TMC2: variants seen among roughly 807,000 people sequenced by gnomAD.
The protein encoded by TMC2 is transmembrane channel like 2, also known as transmembrane channel-like protein 2.
A neutral mutation model predicts 105.9 loss-of-function variants in TMC2; 102 were observed. That is an observed-to-expected ratio of 0.96 (90% CI 0.82 to 1.14). The LOEUF (loss-of-function observed/expected upper bound fraction) is 1.14. TMC2 is among the 50% of genes most tolerant of loss of function. The pLI is 0.00. For missense variants in TMC2, 1,093 were observed against 1,134.3 expected, an observed-to-expected ratio of 0.96 and a Z score of 0.52; for synonymous variants, 402 against 422.8, an observed-to-expected ratio of 0.95 and a Z score of 0.60.
intron 2 of TMC2, among the ~76,000 whole-genome samples, chr20:2,539,200 G>A (rs1445324768): frequency 6.6e-6 from 1 of 152,194 alleles, no homozygotes; most frequent in Non-Finnish European, 1.5e-5. Flanking sequence ...CAAGACAGCT[G>A]CCTTTCCAGT....
chr20:2,564,107 G>A (rs2086046602), intron 4 of TMC2, among the ~76,000 whole-genome samples: 1 of 151,096 alleles, frequency 6.6e-6, no homozygotes, highest in South Asian at 2.1e-4. Context: ...CGACAGTGTG[G>A]AAGCTAGACT....
At chr20:2,579,879 A>G (rs2086175903) in intron 6 of TMC2, 71 bp from the exon 7 acceptor site, 1 of 909,252 alleles carries the variant, frequency 1.1e-6, no homozygotes, top group African/African-American at 1.7e-5. Flanking sequence ...TCCACCACAC[A>G]CATAAAGTGC....
intron 7 of TMC2, among the ~76,000 whole-genome samples, chr20:2,581,157 A>ATGCTTAAC (rs143532555): frequency 0.036 from 5,531 of 152,194 alleles, 309 homozygotes; most frequent in African/African-American, 0.12. Context: ...CTGCAGTTAC[A>ATGCTTAAC]TTTTCTGCAC....
intron 17 of TMC2, 92 bp from the exon 18 acceptor site, chr20:2,635,834 A>G (rs1600144047): frequency 2.0e-6 from 2 of 1,013,496 alleles, no homozygotes; most frequent in East Asian, 4.8e-5. Context: ...TAACTATTCC[A>G]GGAATCCTGC....
At chr20:2,598,197 G>GA (rs11472755) in intron 10 of TMC2, among the ~76,000 whole-genome samples, 3,738 of 132,346 alleles carry the variant, frequency 0.028, 139 homozygotes, top group African/African-American at 0.085. Flanking sequence ...CTAGTGAAAT[G>GA]AAAAAAAAAA....
intron 2 of TMC2, among the ~76,000 whole-genome samples, chr20:2,543,189 A>T (rs2085902844): frequency 6.6e-6 from 1 of 152,018 alleles, no homozygotes; most frequent in East Asian, 1.9e-4. Flanking sequence ...GTGAGCCAAG[A>T]TCTTACCACT....
At chr20:2,615,568 C>A (rs766834066) in intron 14 of TMC2, among the ~76,000 whole-genome samples, 1 of 152,172 alleles carries the variant, frequency 6.6e-6, no homozygotes, top group Admixed American at 6.5e-5. Flanking sequence ...GGACAAATCA[C>A]GAAAACTGCA....
chr20:2,567,340 T>C (rs2086071344), intron 4 of TMC2, among the ~76,000 whole-genome samples: 1 of 152,180 alleles, frequency 6.6e-6, no homozygotes, highest in Non-Finnish European at 1.5e-5. Context: ...CAACATTACC[T>C]ACAACTACCA....
At position 2,641,257 on chromosome 20, in the gene TMC2, C is replaced by G; in HGVS notation, c.2627C>G (p.Pro876Arg). The G allele has an allele frequency of 6.2e-7, 1 of 1,614,168 alleles. No individual in the cohort carries two copies. The highest frequency in any genetic ancestry group is 8.5e-7 in the Non-Finnish European group (1 of 1,180,020). Residue 876 changes from proline to arginine, a missense_variant, in exon 20 of 20, where the codon CCC becomes CGC. Transcript: ENST00000358864. ...TCTGGACACCTTCCTATATCTCGGCCCCCTGGAATCGGACCAGATTCTGGC... is the reference window on the plus strand; with the variant it reads ...TCTGGACACCTTCCTATATCTCGGCGCCCTGGAATCGGACCAGATTCTGGC... ...PASGHLPISR[P>R]PGIGPDSGHA...
At chr20:2,583,360 T>C (rs1001787090) in intron 7 of TMC2, among the ~76,000 whole-genome samples, 1 of 152,214 alleles carries the variant, frequency 6.6e-6, no homozygotes, top group East Asian at 1.9e-4. Context: ...GTCTGACAGA[T>C]TGGAGATGCC....
At chr20:2,602,428 C>T (rs1405488751) in intron 11 of TMC2, 127 bp downstream of exon 11, 6 of 660,258 alleles carry the variant, frequency 9.1e-6, no homozygotes, top group Non-Finnish European at 1.4e-5. Context: ...AAATTACATC[C>T]CCTTCCAGTC....
At chr20:2,554,421 G>A (rs1463947985) in intron 2 of TMC2, among the ~76,000 whole-genome samples, 2 of 151,844 alleles carry the variant, frequency 1.3e-5, no homozygotes, top group Admixed American at 6.6e-5. Flanking sequence ...TCTCTCCATC[G>A]TTTTCTTGTG....
At chr20:2,614,312 AAAG>A (rs1342951497) in intron 14 of TMC2, among the ~76,000 whole-genome samples, 1 of 152,238 alleles carries the variant, frequency 6.6e-6, no homozygotes, top group Non-Finnish European at 1.5e-5. Flanking sequence ...AAATATTTAA[AAAG>A]AAGAATAAGG....
At chr20:2,633,668 C>A (rs1295776607) in intron 17 of TMC2, among the ~76,000 whole-genome samples, 1 of 152,146 alleles carries the variant, frequency 6.6e-6, no homozygotes, top group African/African-American at 2.4e-5. Flanking sequence ...TTTTAAGGTG[C>A]TCCAAATCCA....
In TMC2 at chr20:2,560,270, A is replaced by AC. The variant is rs1471537255; in HGVS notation, c.401+1496_401+1497insC. On this transcript the variant is annotated intron_variant, in intron 3 of 19. Coordinates refer to ENST00000358864, the MANE Select transcript of TMC2 (RefSeq NM_080751.3). ...TTGGGTGTGCATGAAGTATGGCAAA[A>AC]AAAAAAAAAATATCTCTGTGTTCTA... 8.0e-4 allele frequency among the ~76,000 whole-genome samples: 122 copies of AC among 151,986 alleles called. 1 individual carries two copies. The highest frequency in any genetic ancestry group is 1.4e-3 in the Non-Finnish European group (96 of 67,958).
intron 17 of TMC2, among the ~76,000 whole-genome samples, chr20:2,632,826 T>G (rs973753576): frequency 5.3e-5 from 8 of 152,106 alleles, no homozygotes; most frequent in Non-Finnish European, 8.8e-5. Flanking sequence ...CCTGACTTTG[T>G]GATTCACCCG....
chr20:2,560,658 A>T (rs2086019681), intron 3 of TMC2, among the ~76,000 whole-genome samples: 1 of 152,102 alleles, frequency 6.6e-6, no homozygotes, highest in Admixed American at 6.6e-5. Context: ...TAACATGGTG[A>T]AACCCCATTT....
chr20:2,638,592 G>C (rs1170560091), intron 19 of TMC2, among the ~76,000 whole-genome samples: 1 of 152,102 alleles, frequency 6.6e-6, no homozygotes, highest in Non-Finnish European at 1.5e-5. Context: ...CTCCATGTGT[G>C]TTATTGCCCC....
Position 2,641,359 on chromosome 20 carries a change from G to A in TMC2, c.*8G>A, listed in dbSNP as rs1243611557. The A allele has an allele frequency of 6.3e-7, 1 of 1,596,674 alleles. No homozygotes were observed. Among genetic ancestry groups the A allele is most frequent in the Non-Finnish European group, 8.6e-7 (1 of 1,165,204 alleles). On this transcript the variant is annotated 3_prime_UTR_variant, in exon 20 of 20. Transcript: ENST00000358864. ...CAGAGACCTCCCCACTGATGGCTAG[G>A]ACTCCAGGGAGCCTCGACCCTAGGG...
Sources: allele counts gnomAD v4.1 joint callset (sites outside exome capture counted in the v4.1 genomes callset), GRCh38; gene constraint gnomAD v4.1.1; transcripts MANE v1.5; gene names NCBI Gene and HGNC (gene_info 2026-07-23, HGNC 2026-07-21).